Variants in PARM1 observed in about 807,000 individuals in gnomAD.
PARM1 encodes WSC4, cell wall integrity and stress response component 4 homolog.
PARM1 carries 14 observed loss-of-function variants against 24.6 expected under a neutral mutation model. That is an observed-to-expected ratio of 0.57 (90% CI 0.38 to 0.89). PARM1 has a LOEUF of 0.89. PARM1 is among the 40% of genes least tolerant of loss of function. The probability of loss-of-function intolerance (pLI) is 0.00; values close to 1 mark genes in which losing one functional copy is unlikely to be tolerated. For synonymous variants in PARM1, 179 were observed against 156.6 expected (o/e 1.14, Z -1.07); for missense variants, 362 against 380.4 (o/e 0.95, Z 0.40).
chr4:74,983,925 T>C (rs1356490020), intron 1 of PARM1, among the ~76,000 whole-genome samples: 1 of 152,166 alleles, frequency 6.6e-6, no homozygotes, highest in Admixed American at 6.5e-5. Flanking sequence ...ACTCCTGGGC[T>C]CCAGTGATCG....
intron 1 of PARM1, among the ~76,000 whole-genome samples, chr4:74,947,417 G>A (rs998135218): frequency 6.6e-6 from 1 of 152,128 alleles, no homozygotes; most frequent in Admixed American, 6.5e-5. Context: ...TTATAAACTA[G>A]AAAGAGACTT....
intron 1 of PARM1, among the ~76,000 whole-genome samples, chr4:74,960,140 T>C (rs957615710): frequency 5.3e-5 from 8 of 152,182 alleles, no homozygotes; most frequent in Non-Finnish European, 1.2e-4. Context: ...TGGAGATATA[T>C]ATTCTGATTG....
chr4:74,987,307 T>C (rs1354728896), intron 1 of PARM1, among the ~76,000 whole-genome samples: 1 of 152,126 alleles, frequency 6.6e-6, no homozygotes, highest in Non-Finnish European at 1.5e-5. Context: ...AGGGTTCAGG[T>C]GTGACCACAG....
intron 1 of PARM1, among the ~76,000 whole-genome samples, chr4:74,953,065 C>G (rs1259190984): frequency 1.3e-5 from 2 of 152,194 alleles, no homozygotes; most frequent in Non-Finnish European, 2.9e-5. Flanking sequence ...GAGCCATAAT[C>G]ATATACATCC....
intron 1 of PARM1, among the ~76,000 whole-genome samples, chr4:75,012,170 C>G (rs1292087504): frequency 1.3e-5 from 2 of 152,198 alleles, no homozygotes; most frequent in Non-Finnish European, 2.9e-5. Flanking sequence ...TCATACCATG[C>G]ATTGGCTAGT....
At chr4:74,986,138 G>A (rs562693536) in intron 1 of PARM1, among the ~76,000 whole-genome samples, 1 of 152,178 alleles carries the variant, frequency 6.6e-6, no homozygotes, top group African/African-American at 2.4e-5. Context: ...ACAATGCATA[G>A]AGTCTTTGGT....
chr4:74,949,722 A>G (rs1170739057), intron 1 of PARM1, among the ~76,000 whole-genome samples: 1 of 152,170 alleles, frequency 6.6e-6, no homozygotes, highest in Non-Finnish European at 1.5e-5. Context: ...CATGTTTGAA[A>G]TGTGTTATAG....
At chr4:74,934,963 C>T (rs1425871720) in intron 1 of PARM1, among the ~76,000 whole-genome samples, 1 of 148,742 alleles carries the variant, frequency 6.7e-6, no homozygotes, top group Non-Finnish European at 1.5e-5. Context: ...TGTATTGTAG[C>T]TTCCCCACCC....
chr4:75,035,691 T>G (rs1302371676), intron 3 of PARM1, among the ~76,000 whole-genome samples: 2 of 152,054 alleles, frequency 1.3e-5, no homozygotes, highest in Admixed American at 1.3e-4. Context: ...CAAATCAATC[T>G]CGATAATGTC....
chr4:74,999,546 T>C (rs1464252858), intron 1 of PARM1, among the ~76,000 whole-genome samples: 1 of 152,186 alleles, frequency 6.6e-6, no homozygotes, highest in East Asian at 1.9e-4. Context: ...AAAACAAATG[T>C]ATATGTTTTT....
rs963350600 is a variant in PARM1, at chr4:75,012,743, C to T, written c.362C>T (p.Thr121Met). 11 of 1,613,944 alleles carry T rather than the reference C, an allele frequency of 6.8e-6. No individual in the cohort carries two copies. The highest frequency in any genetic ancestry group is 1.3e-5 in the African/African-American group (1 of 75,030). Reference protein sequence around the residue: ...STSGGVHLTTTLEEHSSGTPE... With the variant: ...STSGGVHLTTMLEEHSSGTPE... Reference sequence around the variant, plus strand: ...AGCGGTGGAGTCCACTTAACAACCACGTTGGAGGAACACAGCTCGGGCACT... The same window carrying T: ...AGCGGTGGAGTCCACTTAACAACCATGTTGGAGGAACACAGCTCGGGCACT... The change falls in exon 2 of 4, where the codon ACG (threonine) becomes ATG (methionine). Residue 121 changes from threonine (T) to methionine (M), a missense_variant. By Grantham distance (81) the Thr-to-Met change is moderately conservative. Coordinates refer to ENST00000307428, the MANE Select transcript of PARM1 (RefSeq NM_015393.4).
At chr4:74,935,358 G>A (rs1412272064) in intron 1 of PARM1, among the ~76,000 whole-genome samples, 1 of 152,044 alleles carries the variant, frequency 6.6e-6, no homozygotes, top group Admixed American at 6.5e-5. Context: ...GCAATAAATC[G>A]TCCGAAAAAA....
intron 3 of PARM1, among the ~76,000 whole-genome samples, chr4:75,034,449 G>T (rs1723330998): frequency 6.6e-6 from 1 of 152,098 alleles, no homozygotes. Context: ...GGAAGGTGTG[G>T]CATTTCCTAT....
intron 1 of PARM1, among the ~76,000 whole-genome samples, chr4:74,971,420 G>C (rs1722035329): frequency 6.6e-6 from 1 of 152,166 alleles, no homozygotes; most frequent in African/African-American, 2.4e-5. Context: ...GATGAGTTTT[G>C]AGTGGGGATA....
At chr4:75,005,227 C>T (rs1722748420) in intron 1 of PARM1, among the ~76,000 whole-genome samples, 1 of 152,184 alleles carries the variant, frequency 6.6e-6, no homozygotes, top group South Asian at 2.1e-4. Flanking sequence ...AAGCAATGCT[C>T]CCGGCTGACT....
intron 2 of PARM1, among the ~76,000 whole-genome samples, chr4:75,024,635 G>C (rs1723149474): frequency 6.6e-6 from 1 of 152,154 alleles, no homozygotes; most frequent in Non-Finnish European, 1.5e-5. Flanking sequence ...TAGCAGACTG[G>C]ATGATTTTTC....
intron 1 of PARM1, among the ~76,000 whole-genome samples, chr4:74,957,860 G>A (rs1217022872): frequency 3.9e-5 from 6 of 152,154 alleles, no homozygotes; most frequent in Non-Finnish European, 7.4e-5. Context: ...CAGCCAAGCT[G>A]CACCTTAATA....
chr4:75,008,064 G>C (rs969966309), intron 1 of PARM1, among the ~76,000 whole-genome samples: 2 of 152,210 alleles, frequency 1.3e-5, no homozygotes, highest in Non-Finnish European at 2.9e-5. Flanking sequence ...CATTCTCTAC[G>C]ATCATCATGG....
At position 75,027,545 on chromosome 4, in the gene PARM1, A is replaced by G. The variant is rs1279536947; in HGVS notation, c.770-6338A>G. Among the ~76,000 whole-genome samples, 3 of 152,112 alleles carry G rather than the reference A, an allele frequency of 2.0e-5. No homozygotes were observed. The East Asian group carries it at 5.8e-4, about 29-fold the overall frequency. On this transcript the variant is annotated intron_variant, in intron 2 of 3. Transcript: ENST00000307428. ...TTTCTCACTTTCTCTCCATCTCACA[A>G]ACTACACCCCACTCCCACTACCACC...
Sources: gnomAD v4.1 joint callset for allele counts (sites outside exome capture counted in the v4.1 genomes callset) on GRCh38, gnomAD v4.1.1 for gene constraint, MANE v1.5 for transcripts, NCBI Gene and HGNC (gene_info 2026-07-23, HGNC 2026-07-21) for gene names.